PIK3C2A: variants seen among roughly 807,000 people sequenced by gnomAD.
PIK3C2A encodes phosphatidylinositol 4-phosphate 3-kinase C2 domain-containing subunit alpha.
A neutral mutation model predicts 204.5 loss-of-function variants in PIK3C2A; 97 were observed. That is an observed-to-expected ratio of 0.47 (90% confidence interval 0.40 to 0.56). The LOEUF is 0.56. Among genes scored for constraint, PIK3C2A ranks in the 20% least tolerant of loss-of-function variants. The pLI is 0.00. For missense variants in PIK3C2A, 1,735 were observed against 1,969.2 expected (o/e 0.88, Z 2.25); for synonymous variants, 653 against 664.4 (o/e 0.98, Z 0.26).
chr11:17,127,872 A>G (rs1400174080), intron 13 of PIK3C2A, among the ~76,000 whole-genome samples: 3 of 152,224 alleles, frequency 2.0e-5, no homozygotes, highest in Non-Finnish European at 4.4e-5. Flanking sequence ...TAGAACAACA[A>G]AAAAGTGTCA....
At chr11:17,125,668 C>T (rs1849498938) in intron 13 of PIK3C2A, among the ~76,000 whole-genome samples, 1 of 152,114 alleles carries the variant, frequency 6.6e-6, no homozygotes. Flanking sequence ...GCACGAGCCA[C>T]CATACCTGGC....
At chr11:17,147,486 AAT>A (rs1343298644) in intron 6 of PIK3C2A, 29 bp downstream of exon 6, 4 of 1,164,146 alleles carry the variant, frequency 3.4e-6, no homozygotes, top group Admixed American at 1.9e-5. Context: ...GATTCAAACA[AAT>A]GGAATTCAGT....
At chr11:17,162,233 A>T (rs958728633) in intron 2 of PIK3C2A, among the ~76,000 whole-genome samples, 16 of 151,260 alleles carry the variant, frequency 1.1e-4, no homozygotes, top group African/African-American at 3.6e-4. Flanking sequence ...GCTACTCAGG[A>T]GGGAGGCTGA....
chr11:17,181,427 A>T (rs531177200), intron 1 of PIK3C2A, among the ~76,000 whole-genome samples: 148 of 151,778 alleles, frequency 9.8e-4, no homozygotes, highest in African/African-American at 3.4e-3. Context: ...TTGTACAATA[A>T]AACTTAGAAA....
rs747669764 is a variant in PIK3C2A at position 17,094,402 on chromosome 11, C to T, written c.4327-17G>A. Reference sequence around the variant, plus strand: ...TACATAAATCTGAAAAGAAATCACACCACAAACACATAAAATTTATATTTA... The same window carrying T: ...TACATAAATCTGAAAAGAAATCACATCACAAACACATAAAATTTATATTTA... On this transcript the variant is annotated splice_polypyrimidine_tract_variant and intron_variant, in intron 27 of 32. Transcript: ENST00000691414. 6.3e-7 allele frequency: 1 copy of T among 1,595,750 alleles called. No individual in the cohort carries two copies. The highest frequency in any genetic ancestry group is 1.1e-5 in the South Asian group (1 of 89,584).
At position 17,174,910 on chromosome 11, in the gene PIK3C2A, T is replaced by A. The variant is rs567743106; in HGVS notation, c.-65-5104A>T. Among the ~76,000 whole-genome samples the A allele has an allele frequency of 1.9e-4, 29 of 151,706 alleles. No individual in the cohort carries two copies. In the East Asian group the frequency reaches 3.9e-3, roughly 20 times the overall value. Reference sequence around the variant, plus strand: ...AGTGAAACTCTGTCTCAAAAAAAAATAAAATAAAATAAAAAATAAAAAAAT... The same window carrying A: ...AGTGAAACTCTGTCTCAAAAAAAAAAAAAATAAAATAAAAAATAAAAAAAT... On this transcript the variant is annotated intron_variant, in intron 1 of 32. Transcript: ENST00000691414.
chr11:17,113,220 C>T (rs753478347), intron 20 of PIK3C2A, among the ~76,000 whole-genome samples: 11 of 152,072 alleles, frequency 7.2e-5, no homozygotes, highest in East Asian at 3.9e-4. Context: ...ATAACAGATA[C>T]GCAAAAATAC....
At chr11:17,138,159 C>T (rs1313023340) in intron 8 of PIK3C2A, 5 of 824,916 alleles carry the variant, frequency 6.1e-6, no homozygotes, top group African/African-American at 3.4e-5. Flanking sequence ...TCTCACAGCA[C>T]GAACCCCTCA....
At chr11:17,103,585 C>T (rs950516689) in intron 23 of PIK3C2A, among the ~76,000 whole-genome samples, 2 of 152,182 alleles carry the variant, frequency 1.3e-5, no homozygotes, top group Middle Eastern at 3.4e-3. Context: ...GCATTTAGCA[C>T]AAACCAGGCA....
At chr11:17,158,871 G>A (rs567476735) in intron 2 of PIK3C2A, among the ~76,000 whole-genome samples, 14 of 152,204 alleles carry the variant, frequency 9.2e-5, no homozygotes, top group Middle Eastern at 3.4e-3. Context: ...TTACGAGTTT[G>A]AATTAACAAA....
intron 1 of PIK3C2A, among the ~76,000 whole-genome samples, chr11:17,206,098 C>T (rs915834953): frequency 1.3e-5 from 2 of 152,104 alleles, no homozygotes; most frequent in African/African-American, 2.4e-5. Context: ...CCAGCCTAGG[C>T]GACAGAGCGA....
At chr11:17,107,774 C>T (rs180760201) in intron 22 of PIK3C2A, among the ~76,000 whole-genome samples, 2 of 152,302 alleles carry the variant, frequency 1.3e-5, no homozygotes, top group Admixed American at 6.5e-5. Context: ...CAGAAGTTGA[C>T]CAAGGCTGCC....
At chr11:17,171,338 A>G (rs1851152070) in intron 1 of PIK3C2A, among the ~76,000 whole-genome samples, 1 of 152,192 alleles carries the variant, frequency 6.6e-6, no homozygotes, top group Non-Finnish European at 1.5e-5. Flanking sequence ...AGAAAGCAAG[A>G]GAGCTCCTGT....
chr11:17,125,713 T>G (rs1003007532), intron 13 of PIK3C2A, among the ~76,000 whole-genome samples: 3 of 151,404 alleles, frequency 2.0e-5, no homozygotes, highest in African/African-American at 7.3e-5. Context: ...GAGACAGGGT[T>G]TCGCCATATT....
At chr11:17,110,925 T>G (rs149684774) in intron 21 of PIK3C2A, among the ~76,000 whole-genome samples, 2 of 152,278 alleles carry the variant, frequency 1.3e-5, no homozygotes, top group East Asian at 3.9e-4. Context: ...ATTTATTTTT[T>G]GAGACTGAGT....
At chr11:17,107,791 C>A (rs781564873) in intron 22 of PIK3C2A, among the ~76,000 whole-genome samples, 3 of 152,184 alleles carry the variant, frequency 2.0e-5, no homozygotes, top group East Asian at 1.9e-4. Flanking sequence ...TGCCAGGGTA[C>A]CCCGATAGAA....
intron 1 of PIK3C2A, among the ~76,000 whole-genome samples, chr11:17,174,004 T>C (rs1418209616): frequency 6.6e-6 from 1 of 152,012 alleles, no homozygotes; most frequent in Non-Finnish European, 1.5e-5. Flanking sequence ...AAAAGTTTAG[T>C]AGAGACTAAT....
At chr11:17,111,972 G>T (rs1039277802) in intron 21 of PIK3C2A, among the ~76,000 whole-genome samples, 4 of 148,716 alleles carry the variant, frequency 2.7e-5, no homozygotes, top group Non-Finnish European at 4.4e-5. Flanking sequence ...TTAGAAAAAG[G>T]CACCTACATC....
At chr11:17,117,910 T>A (rs1328340423) in intron 18 of PIK3C2A, among the ~76,000 whole-genome samples, 1 of 151,780 alleles carries the variant, frequency 6.6e-6, no homozygotes, top group African/African-American at 2.4e-5. Context: ...AGATGGGGTT[T>A]CACTGTGTTA....
Sources: gnomAD v4.1 joint callset for allele counts (sites outside exome capture counted in the v4.1 genomes callset) on GRCh38, gnomAD v4.1.1 for gene constraint, MANE v1.5 for transcripts, NCBI Gene and HGNC (gene_info 2026-07-23, HGNC 2026-07-21) for gene names.